SEL1L2: variants seen among roughly 807,000 people sequenced by gnomAD.
SEL1L2 encodes protein sel-1 homolog 2.
A neutral mutation model predicts 98.8 loss-of-function variants in SEL1L2; 89 were observed. The ratio of observed to expected loss-of-function variants is 0.90; its 90% CI spans 0.76 to 1.07. The LOEUF is 1.07. Among genes scored for constraint, SEL1L2 ranks in the 50% least tolerant of loss-of-function variants. SEL1L2 has a pLI of 0.00. For missense variants in SEL1L2, 788 were observed against 812.0 expected (o/e 0.97, Z 0.36); for synonymous variants, 262 against 278.5 (o/e 0.94, Z 0.59).
At chr20:13,904,757 T>C (rs934238903) in intron 5 of SEL1L2, among the ~76,000 whole-genome samples, 5 of 152,224 alleles carry the variant, frequency 3.3e-5, no homozygotes, top group African/African-American at 1.2e-4. Context: ...TTTATTTTTC[T>C]TGCAACTCTT....
chr20:13,947,127 G>GGATCCAT (rs58643380), intron 2 of SEL1L2, among the ~76,000 whole-genome samples: 136,677 of 151,878 alleles, frequency 0.9, 61,670 homozygotes, highest in East Asian at 1. Context: ...CTGGGGGCCA[G>GGATCCAT]GATCCATTCC....
At chr20:13,939,003 T>C (rs1203484732) in intron 2 of SEL1L2, among the ~76,000 whole-genome samples, 1 of 150,994 alleles carries the variant, frequency 6.6e-6, no homozygotes, top group Non-Finnish European at 1.5e-5. Context: ...TATTGAAATA[T>C]AGTGGGTTTT....
Position 13,888,018 on chromosome 20 carries a change from C to G in SEL1L2, c.604-17G>C, listed in dbSNP as rs1412161700. On this transcript the variant is annotated splice_polypyrimidine_tract_variant and intron_variant, in intron 6 of 19. Transcript: ENST00000284951. ...TATCAGTGCCTAAAGTAAAAACAAACAAACAAAAAACCCCCCAAACCAGGT... is the reference window on the plus strand; with the variant it reads ...TATCAGTGCCTAAAGTAAAAACAAAGAAACAAAAAACCCCCCAAACCAGGT... 22 of 1,608,052 alleles carry G rather than the reference C, an allele frequency of 1.4e-5. No homozygotes were observed. The highest frequency in any genetic ancestry group is 1.7e-4 in the Middle Eastern group (1 of 6,040).
chr20:13,886,301 TCTC>T lies in SEL1L2; in HGVS notation c.884_886del (p.Gly295del), dbSNP rs766550471. ...TGTATACATTACTTGTATCTGAACA[TCTC>T]CTCTTTCTGCCAAAAATTTATAGTA... On this transcript the variant is annotated inframe_deletion, in exon 9 of 20. Coordinates refer to ENST00000284951, the MANE Select transcript of SEL1L2 (RefSeq NM_025229.2). The T allele has an allele frequency of 1.2e-6, 2 of 1,608,942 alleles. No individual in the cohort carries two copies. Among genetic ancestry groups the T allele is most frequent in the African/African-American group, 2.7e-5 (2 of 74,864 alleles).
chr20:13,888,290 G>A (rs570816086), intron 6 of SEL1L2, among the ~76,000 whole-genome samples, 169 bp downstream of exon 6: 20 of 152,312 alleles, frequency 1.3e-4, no homozygotes, highest in Non-Finnish European at 2.4e-4. Context: ...GCTGACTCAT[G>A]AGGCTTTAAG....
chr20:13,877,483 A>G, intron 11 of SEL1L2, 37 bp downstream of exon 11: 1 of 1,519,482 alleles, frequency 6.6e-7, no homozygotes. Flanking sequence ...TTAGGTTTTT[A>G]ATAAATGAAA....
At chr20:13,992,042 G>A (rs1393775351), upstream of SEL1L2, among the ~76,000 whole-genome samples, 2 of 152,084 alleles carry the variant, frequency 1.3e-5, no homozygotes, top group Admixed American at 6.5e-5. Context: ...TTCTTTATAG[G>A]AAAATCAATG....
At chr20:13,854,364 A>T (rs1411853663) in intron 18 of SEL1L2, among the ~76,000 whole-genome samples, 1 of 152,184 alleles carries the variant, frequency 6.6e-6, no homozygotes, top group Non-Finnish European at 1.5e-5. Flanking sequence ...GATTTCTTCC[A>T]TGTAAAAAGG....
chr20:13,923,367 A>G (rs2148259448), intron 3 of SEL1L2, among the ~76,000 whole-genome samples: 1 of 152,336 alleles, frequency 6.6e-6, no homozygotes, highest in African/African-American at 2.4e-5. Context: ...CATTGGGATC[A>G]GGGAGCCCAG....
chr20:13,933,069 G>A (rs752287610), intron 2 of SEL1L2, among the ~76,000 whole-genome samples: 2 of 152,016 alleles, frequency 1.3e-5, no homozygotes, highest in Admixed American at 6.6e-5. Flanking sequence ...AATTCGCCAG[G>A]CCTGGTGGTG....
rs895093163 is a variant in SEL1L2, at chr20:13,966,382, A to G, written c.59-10251T>C. 3.3e-5 allele frequency among the ~76,000 whole-genome samples: 5 copies of G among 151,960 alleles called. No homozygotes were observed. The East Asian group carries it at 5.8e-4, about 18-fold the overall frequency. ...CGCCCAGGCTGGAGTGCAACGGCAC[A>G]ATCTCAGCTCACTGCAACCTCTGCC... On this transcript the variant is annotated intron_variant, in intron 1 of 19. Transcript: ENST00000284951.
chr20:13,989,416 C>A lies in SEL1L2; in HGVS notation c.58+1061G>T, dbSNP rs555542148. On this transcript the variant is annotated intron_variant, in intron 1 of 19. Transcript: ENST00000284951. ...TACAAGATCATGTCTTCTGTGAATA[C>A]AGATCATTTTACTTCTTTCTTTCCA... Among the ~76,000 whole-genome samples the A allele has an allele frequency of 3.3e-5, 5 of 152,268 alleles. No homozygotes were observed. The South Asian group carries it at 1.0e-3, about 32-fold the overall frequency.
intron 1 of SEL1L2, among the ~76,000 whole-genome samples, chr20:13,986,834 T>C (rs1233562846): frequency 1.3e-5 from 2 of 152,226 alleles, no homozygotes; most frequent in African/African-American, 2.4e-5. Context: ...GTTTTCTCCA[T>C]TACTTTTTAT....
chr20:13,908,146 T>A (rs1433462802), intron 5 of SEL1L2, among the ~76,000 whole-genome samples: 2 of 89,876 alleles, frequency 2.2e-5, no homozygotes, highest in African/African-American at 8.8e-5. Flanking sequence ...GAGACAGGGT[T>A]TTGCTCTGTT....
At chr20:13,888,634 TC>T in intron 5 of SEL1L2, 122 bp from the exon 6 acceptor site, 8 of 330,210 alleles carry the variant, frequency 2.4e-5, no homozygotes, top group Non-Finnish European at 3.5e-5. Flanking sequence ...TCTTTCTTTC[TC>T]TTTTTTTTTT....
chr20:13,939,041 T>TTTTTTTTTTTTTTTTTTTTTTTTTTTTTG (rs2049609808), intron 2 of SEL1L2, among the ~76,000 whole-genome samples: 1 of 7,002 alleles, frequency 1.4e-4, no homozygotes, highest in Non-Finnish European at 3.7e-4. Flanking sequence ...GCTTGTTTTG[T>TTTTTTTTTTTTTTTTTTTTTTTTTTTTTG]TTTTTTTTTT....
intron 2 of SEL1L2, among the ~76,000 whole-genome samples, chr20:13,955,658 T>A (rs2050503028): frequency 6.6e-6 from 1 of 152,190 alleles, no homozygotes; most frequent in Admixed American, 6.5e-5. Flanking sequence ...GAGAATAAAC[T>A]GAAAATTTGA....
Position 13,887,822 on chromosome 20 carries a change from A to T in SEL1L2, c.692T>A (p.Val231Asp), listed in dbSNP as rs199934667. The change falls in exon 8 of 20, where the codon GTT becomes GAT. Residue 231 changes from valine to aspartate, a missense_variant. Val to Asp is a radical substitution (Grantham distance 152). Coordinates refer to ENST00000284951, the MANE Select transcript of SEL1L2 (RefSeq NM_025229.2). ...LGYRYLSGIN[V>D]LQNCEVALSY... ...TAGGGCAACTTCACAATTCTGTAGA[A>T]CATTGATTCCCGACAAATATCTGTA... 3.1e-6 allele frequency: 5 copies of T among 1,613,380 alleles called. No individual in the cohort carries two copies. Among genetic ancestry groups the T allele is most frequent in the Non-Finnish European group, 4.2e-6 (5 of 1,179,588 alleles).
chr20:13,851,538 C>T (rs1164221044), intron 18 of SEL1L2: 1 of 151,850 alleles, frequency 6.6e-6, no homozygotes, highest in Non-Finnish European at 1.5e-5. Flanking sequence ...ACTATATTTT[C>T]AGGAGCTTTT....
Sources: allele counts gnomAD v4.1 joint callset (sites outside exome capture counted in the v4.1 genomes callset), GRCh38; gene constraint gnomAD v4.1.1; transcripts MANE v1.5; gene names NCBI Gene and HGNC (gene_info 2026-07-23, HGNC 2026-07-21).